PCDHGA3: variants seen among roughly 807,000 people sequenced by gnomAD.
The protein encoded by PCDHGA3 is protocadherin gamma-A3.
PCDHGA3 carries 40 observed loss-of-function variants against 58.5 expected under a neutral mutation model. That is an observed-to-expected ratio of 0.68 (90% confidence interval 0.53 to 0.89). The LOEUF (loss-of-function observed/expected upper bound fraction) is 0.89. Among genes scored for constraint, PCDHGA3 ranks in the 40% least tolerant of loss-of-function variants. PCDHGA3 has a pLI of 0.00. For missense variants in PCDHGA3, 1,223 were observed against 1,195.9 expected (o/e 1.02, Z -0.33); for synonymous variants, 530 against 525.7 (o/e 1.01, Z -0.11).
intron 1 of PCDHGA3, chr5:141,388,778 A>T (rs2091485337): frequency 1.9e-6 from 3 of 1,613,826 alleles, no homozygotes. Context: ...ACACCGGGGA[A>T]ATTACTGTTT....
intron 1 of PCDHGA3, chr5:141,403,329 T>C (rs1325114096): frequency 1.2e-6 from 2 of 1,613,990 alleles, no homozygotes; most frequent in Admixed American, 1.7e-5. Context: ...GTAACTGATA[T>C]TAACGACAGC....
At chr5:141,362,190 G>C (rs772308908) in intron 1 of PCDHGA3, 39 of 1,613,930 alleles carry the variant, frequency 2.4e-5, no homozygotes, top group Non-Finnish European at 3.0e-5. Context: ...CTGACCCCCA[G>C]GCAAAACTGC....
rs752837336 is a variant in PCDHGA3 at position 141,371,945 on chromosome 5, G to A, written c.2424+25488G>A. On this transcript the variant is annotated intron_variant, in intron 1 of 3. Transcript: ENST00000253812. ...CGCGGAGCGGGGTGGTGTTCGCGCAGCGAGCCTTCGACCACGAGCAGCTGC... is the reference window on the plus strand; with the variant it reads ...CGCGGAGCGGGGTGGTGTTCGCGCAACGAGCCTTCGACCACGAGCAGCTGC... 6 of 1,613,298 alleles carry A rather than the reference G, an allele frequency of 3.7e-6. No homozygotes were observed. In the Admixed American group the frequency reaches 5.0e-5, roughly 13 times the overall value.
intron 1 of PCDHGA3, chr5:141,375,050 G>A: frequency 6.2e-7 from 1 of 1,614,046 alleles, no homozygotes; most frequent in Non-Finnish European, 8.5e-7. Flanking sequence ...TGAAGCCCGG[G>A]ATGGGCCAGG....
intron 1 of PCDHGA3, chr5:141,441,728 G>T: frequency 2.8e-6 from 1 of 361,966 alleles, no homozygotes. Flanking sequence ...CCCGCGACCA[G>T]GACTAGCTCG....
chr5:141,423,923 G>A (rs2096790975), intron 1 of PCDHGA3: 2 of 1,254,626 alleles, frequency 1.6e-6, no homozygotes, highest in African/African-American at 1.6e-5. Flanking sequence ...CAACTATGCT[G>A]GTTTGGTTTG....
Position 141,364,692 on chromosome 5 carries a change from T to G in PCDHGA3, c.2424+18235T>G, listed in dbSNP as rs1763485100. On this transcript the variant is annotated intron_variant, in intron 1 of 3. Transcript: ENST00000253812. ...AAAATGAAAATTTATGGAGTAGAAGTAGAAATAATCGATATTAATGATAAC... is the reference window on the plus strand; with the variant it reads ...AAAATGAAAATTTATGGAGTAGAAGGAGAAATAATCGATATTAATGATAAC... The G allele has an allele frequency of 2.5e-6, 4 of 1,613,922 alleles. No individual in the cohort carries two copies. In the East Asian group the frequency reaches 8.9e-5, roughly 36 times the overall value.
At chr5:141,358,180 C>A (rs769870825) in intron 1 of PCDHGA3, among the ~76,000 whole-genome samples, 15 of 152,104 alleles carry the variant, frequency 9.9e-5, no homozygotes, top group Non-Finnish European at 1.9e-4. Context: ...ACAGAGCAAG[C>A]CTCTGTCTCC....
chr5:141,452,701 G>A (rs2098747163), intron 1 of PCDHGA3, among the ~76,000 whole-genome samples: 1 of 151,838 alleles, frequency 6.6e-6, no homozygotes, highest in Non-Finnish European at 1.5e-5. Context: ...TGTCAAGAAA[G>A]AAAGGAAGGA....
intron 1 of PCDHGA3, among the ~76,000 whole-genome samples, chr5:141,381,074 T>C (rs1776971630): frequency 6.6e-6 from 1 of 152,250 alleles, no homozygotes; most frequent in Non-Finnish European, 1.5e-5. Flanking sequence ...AACTATGGAT[T>C]ATTTTGATAG....
At chr5:141,510,358 C>T (rs186470331) in intron 3 of PCDHGA3, among the ~76,000 whole-genome samples, 187 of 144,062 alleles carry the variant, frequency 1.3e-3, no homozygotes, top group African/African-American at 4.6e-3. Context: ...ACTAACGGAA[C>T]TACCGAATCT....
chr5:141,357,006 C>T (rs1335226609), intron 1 of PCDHGA3: 2 of 1,614,158 alleles, frequency 1.2e-6, no homozygotes, highest in Non-Finnish European at 1.7e-6. Context: ...GTCAGAATGC[C>T]TGGCTGTCCT....
chr5:141,373,338 G>T (rs1251212812), intron 1 of PCDHGA3, among the ~76,000 whole-genome samples: 1 of 152,166 alleles, frequency 6.6e-6, no homozygotes, highest in Non-Finnish European at 1.5e-5. Context: ...ATCTAAAATG[G>T]CAACTCTTGT....
intron 1 of PCDHGA3, among the ~76,000 whole-genome samples, chr5:141,469,061 G>C (rs960166489): frequency 1.3e-5 from 2 of 152,010 alleles, no homozygotes; most frequent in African/African-American, 4.8e-5. Flanking sequence ...AGGATTGCTT[G>C]AGCCTAGGAG....
intron 1 of PCDHGA3, among the ~76,000 whole-genome samples, chr5:141,445,746 TA>T (rs1486411811): frequency 2.0e-5 from 3 of 152,028 alleles, no homozygotes; most frequent in Non-Finnish European, 4.4e-5. Flanking sequence ...TTTTAAAAAA[TA>T]AAAGGTGTGA....
At chr5:141,497,568 C>G (rs1012946741) in intron 2 of PCDHGA3, among the ~76,000 whole-genome samples, 2 of 140,602 alleles carry the variant, frequency 1.4e-5, no homozygotes, top group African/African-American at 5.4e-5. Flanking sequence ...TAGACAGAGT[C>G]TTGCTCTGTT....
At chr5:141,433,070 CCCCAG>C in intron 1 of PCDHGA3, 1 of 1,614,174 alleles carries the variant, frequency 6.2e-7, no homozygotes, top group Non-Finnish European at 8.5e-7. Context: ...CCTGATCTTC[CCCCAG>C]CCCAACTATG....
chr5:141,357,313 C>T, intron 1 of PCDHGA3: 3 of 1,614,110 alleles, frequency 1.9e-6, no homozygotes, highest in Non-Finnish European at 2.5e-6. Flanking sequence ...CTGCGTCTTC[C>T]TGGCTTTTGT....
At chr5:141,450,957 T>G (rs2154563418) in intron 1 of PCDHGA3, among the ~76,000 whole-genome samples, 1 of 152,010 alleles carries the variant, frequency 6.6e-6, no homozygotes, top group Non-Finnish European at 1.5e-5. Context: ...CCCAAGTAGC[T>G]GGGATTACAG....
Sources: allele counts gnomAD v4.1 joint callset (sites outside exome capture counted in the v4.1 genomes callset), GRCh38; gene constraint gnomAD v4.1.1; transcripts MANE v1.5; gene names NCBI Gene and HGNC (gene_info 2026-07-23, HGNC 2026-07-21).